Variants in CSMD1 observed in about 807,000 individuals in gnomAD.
The protein encoded by CSMD1 is CUB and Sushi multiple domains 1.
CSMD1 carries 213 observed loss-of-function variants against 417.5 expected under a neutral mutation model. The observed-to-expected ratio is 0.51, with a 90% CI of 0.46 to 0.57. The LOEUF is 0.57. Ranked by LOEUF, CSMD1 falls within the 20% of genes least tolerant of loss-of-function variation. CSMD1 has a pLI of 0.00. For missense variants in CSMD1, 6,923 were observed against 4,529.7 expected (o/e 1.53, Z -15.17); for synonymous variants, 2,862 against 1,736.8 (o/e 1.65, Z -16.11).
At chr8:3,496,624 G>C (rs753512809) in intron 10 of CSMD1, among the ~76,000 whole-genome samples, 2 of 152,048 alleles carry the variant, frequency 1.3e-5, no homozygotes, top group African/African-American at 2.4e-5. Context: ...TCAGGAATTC[G>C]AGACCAGCTT....
intron 3 of CSMD1, among the ~76,000 whole-genome samples, chr8:4,119,879 G>A (rs904430173): frequency 2.6e-5 from 4 of 152,218 alleles, no homozygotes; most frequent in Admixed American, 6.5e-5. Context: ...GTTCGACAAA[G>A]TACAGGACAG....
At chr8:4,866,844 A>G (rs575984628) in intron 1 of CSMD1, among the ~76,000 whole-genome samples, 29 of 152,206 alleles carry the variant, frequency 1.9e-4, no homozygotes, top group Non-Finnish European at 3.1e-4. Context: ...TTTAAAAATT[A>G]TAACTTTACC....
chr8:4,262,607 C>G lies in CSMD1; in HGVS notation c.415+157346G>C, dbSNP rs964126210. Among the ~76,000 whole-genome samples the G allele has an allele frequency of 6.6e-5, 10 of 152,124 alleles. 1 individual carries two copies. Among genetic ancestry groups the G allele is most frequent in the Non-Finnish European group, 1.5e-4 (10 of 68,030 alleles). ...GCTCCAACTCCTTATCTTCAGGACCCTGGAGCTTCAAACAGCCATCGCCAC... is the reference window on the plus strand; with the variant it reads ...GCTCCAACTCCTTATCTTCAGGACCGTGGAGCTTCAAACAGCCATCGCCAC... On this transcript the variant is annotated intron_variant, in intron 3 of 69. Coordinates refer to ENST00000635120, the MANE Select transcript of CSMD1 (RefSeq NM_033225.6).
chr8:4,309,425 T>C (rs979652138), intron 3 of CSMD1, among the ~76,000 whole-genome samples: 2 of 151,826 alleles, frequency 1.3e-5, no homozygotes, highest in Non-Finnish European at 2.9e-5. Flanking sequence ...AGAAATTAAA[T>C]TCAAAATTTT....
chr8:4,147,173 C>T (rs1413720217), intron 3 of CSMD1, among the ~76,000 whole-genome samples: 1 of 152,088 alleles, frequency 6.6e-6, no homozygotes, highest in East Asian at 1.9e-4. Context: ...CCCCCCTGCC[C>T]CCACCACCAG....
In CSMD1 at chr8:4,265,914, G is replaced by A. The variant is rs1804201912; in HGVS notation, c.415+154039C>T. ...ACACAAATCCAAAATAAAATGTGAA[G>A]AAATAGATTTCCCCCCATTGCCCAG... is the stretch of plus-strand genomic sequence containing the variant. On this transcript the variant is annotated intron_variant, in intron 3 of 69. Coordinates refer to ENST00000635120, the MANE Select transcript of CSMD1 (RefSeq NM_033225.6). Among the ~76,000 whole-genome samples, 3 of 104,210 alleles carry A rather than the reference G, an allele frequency of 2.9e-5. 1 individual carries two copies. The South Asian group carries it at 1.2e-3, about 40-fold the overall frequency. 68.4% of individuals were successfully genotyped at this position (104,210 alleles called of 152,430 possible). A position where few individuals can be genotyped will look rare whatever the true frequency, so the allele number is the denominator to read the frequency against.
chr8:3,635,768 C>G (rs1222357777), intron 7 of CSMD1, among the ~76,000 whole-genome samples: 1 of 142,100 alleles, frequency 7.0e-6, no homozygotes, highest in Non-Finnish European at 1.5e-5. Context: ...CAGGTATGAA[C>G]CTCTGCGCCC....
chr8:3,161,415 G>A (rs557122087), intron 38 of CSMD1, among the ~76,000 whole-genome samples: 2 of 151,964 alleles, frequency 1.3e-5, no homozygotes, highest in Non-Finnish European at 2.9e-5. Context: ...TCAGGAGTTC[G>A]AGACCAGCTT....
chr8:2,989,984 G>C (rs1227928126), intron 54 of CSMD1, among the ~76,000 whole-genome samples: 1 of 152,160 alleles, frequency 6.6e-6, no homozygotes, highest in Admixed American at 6.5e-5. Context: ...ATGTGGCATT[G>C]CATGGCCTAG....
intron 3 of CSMD1, among the ~76,000 whole-genome samples, chr8:4,168,353 G>C (rs1797573826): frequency 1.3e-5 from 2 of 151,822 alleles, no homozygotes; most frequent in African/African-American, 4.8e-5. Flanking sequence ...CCTTGATTGC[G>C]CCACTGTACT....
At chr8:4,146,962 C>G (rs377021465) in intron 3 of CSMD1, among the ~76,000 whole-genome samples, 1 of 144,226 alleles carries the variant, frequency 6.9e-6, no homozygotes, top group Middle Eastern at 3.2e-3. Flanking sequence ...CATCAGGCAT[C>G]TTCATCAGGT....
At chr8:4,481,116 C>A (rs976139195) in intron 2 of CSMD1, among the ~76,000 whole-genome samples, 2 of 152,212 alleles carry the variant, frequency 1.3e-5, no homozygotes, top group Non-Finnish European at 2.9e-5. Context: ...GCCTTATTTA[C>A]AATGAGCATC....
intron 8 of CSMD1, among the ~76,000 whole-genome samples, chr8:3,613,850 G>A (rs956397347): frequency 6.6e-6 from 1 of 151,750 alleles, no homozygotes; most frequent in East Asian, 1.9e-4. Context: ...TTCCACCTAA[G>A]CTCAGGAATA....
intron 5 of CSMD1, among the ~76,000 whole-genome samples, chr8:3,949,634 G>C (rs138566483): frequency 2.6e-5 from 4 of 152,168 alleles, no homozygotes; most frequent in Non-Finnish European, 5.9e-5. Context: ...GATGATTTTA[G>C]GTACAAGATT....
intron 69 of CSMD1, among the ~76,000 whole-genome samples, chr8:2,939,814 C>T (rs77683819): frequency 6.6e-6 from 1 of 152,212 alleles, no homozygotes; most frequent in African/African-American, 2.4e-5. Flanking sequence ...TTGGAACATG[C>T]GCCAGCAGTG....
intron 3 of CSMD1, among the ~76,000 whole-genome samples, chr8:4,326,454 T>A (rs1485670642): frequency 6.6e-6 from 1 of 152,056 alleles, no homozygotes; most frequent in Non-Finnish European, 1.5e-5. Context: ...AGGTAAAGAA[T>A]GCATATATGC....
intron 7 of CSMD1, among the ~76,000 whole-genome samples, chr8:3,634,480 G>A (rs1051679412): frequency 2.0e-5 from 3 of 152,150 alleles, no homozygotes; most frequent in Non-Finnish European, 4.4e-5. Flanking sequence ...TACTGGGAGT[G>A]GACAACCGCA....
At chr8:3,349,212 G>T (rs1808226563) in intron 21 of CSMD1, among the ~76,000 whole-genome samples, 1 of 152,268 alleles carries the variant, frequency 6.6e-6, no homozygotes, top group East Asian at 1.9e-4. Flanking sequence ...TTTCCACTGG[G>T]TTGCTCAAGG....
At chr8:4,726,963 A>G (rs1185102047) in intron 1 of CSMD1, among the ~76,000 whole-genome samples, 1 of 152,154 alleles carries the variant, frequency 6.6e-6, no homozygotes, top group East Asian at 1.9e-4. Flanking sequence ...AAAAAAATAC[A>G]TGGATGAGAT....
Sources: gnomAD v4.1 joint callset for allele counts (sites outside exome capture counted in the v4.1 genomes callset) on GRCh38, gnomAD v4.1.1 for gene constraint, MANE v1.5 for transcripts, NCBI Gene and HGNC (gene_info 2026-07-23, HGNC 2026-07-21) for gene names.